Variants in TUBGCP5 observed in about 807,000 individuals in gnomAD.
TUBGCP5 encodes the protein tubulin gamma complex component 5.
Under a neutral mutation model 134.7 loss-of-function variants are expected in TUBGCP5, and 98 were observed. That is an observed-to-expected ratio of 0.73 (90% CI 0.62 to 0.86). The LOEUF (loss-of-function observed/expected upper bound fraction) is 0.86. TUBGCP5 is among the 40% of genes least tolerant of loss of function. The probability of loss-of-function intolerance (pLI) is 0.00; values close to 1 mark genes in which losing one functional copy is unlikely to be tolerated. For synonymous variants in TUBGCP5, 456 were observed against 431.4 expected, an observed-to-expected ratio of 1.06 and a Z score of -0.71; for missense variants, 1,150 against 1,244.8, an observed-to-expected ratio of 0.92 and a Z score of 1.15.
At chr15:22,997,867 T>C (rs12905135), downstream of TUBGCP5, among the ~76,000 whole-genome samples, 26,930 of 151,234 alleles carry the variant, frequency 0.18, 3,374 homozygotes, top group East Asian at 0.5. Context: ...CCACCCACCT[T>C]GGCTTCCCAA....
chr15:23,037,006 C>T lies in TUBGCP5; in HGVS notation c.201-1G>A. ...ATGAATGACAAATTTTTCATAAATT[C>T]TAAAATATAAGAAAAGATTATAAAG... On this transcript the variant is annotated splice_acceptor_variant, in intron 2 of 22. Transcript: ENST00000615383. LOFTEE classifies it high-confidence loss of function. 1 of 1,594,604 alleles carries T rather than the reference C, an allele frequency of 6.3e-7. No individual in the cohort carries two copies. The highest frequency in any genetic ancestry group is 8.5e-7 in the Non-Finnish European group (1 of 1,172,232).
chr15:23,035,911 C>T (rs1322220847), intron 3 of TUBGCP5, among the ~76,000 whole-genome samples: 1 of 152,106 alleles, frequency 6.6e-6, no homozygotes, highest in Non-Finnish European at 1.5e-5. Flanking sequence ...GAGCCCTATG[C>T]CTGTAAAATG....
At position 23,006,349 on chromosome 15, in the gene TUBGCP5, T is replaced by TA; in HGVS notation, c.2330dup (p.Ser778IlefsTer5). The TA allele has an allele frequency of 2.5e-6, 4 of 1,594,128 alleles. No individual in the cohort carries two copies. Among genetic ancestry groups the TA allele is most frequent in the Non-Finnish European group, 3.4e-6 (4 of 1,174,712 alleles). On this transcript the variant is annotated frameshift_variant, in exon 17 of 23. Coordinates refer to ENST00000615383, the MANE Select transcript of TUBGCP5 (RefSeq NM_052903.6). LOFTEE classifies it high-confidence loss of function. ...TGTCAACATTTTCAAAAGATATAGATAGACTAAAGAAAGAAATTCCAGTTT... is the reference window on the plus strand; with the variant it reads ...TGTCAACATTTTCAAAAGATATAGATAAGACTAAAGAAAGAAATTCCAGTTT...
At chr15:23,032,452 T>A (rs2066364941) in intron 4 of TUBGCP5, among the ~76,000 whole-genome samples, 1 of 152,224 alleles carries the variant, frequency 6.6e-6, no homozygotes, top group East Asian at 1.9e-4. Context: ...AATAGTTTTT[T>A]AAAAGATTGT....
chr15:23,019,688 T>C (rs1315234648), intron 11 of TUBGCP5, among the ~76,000 whole-genome samples: 1 of 151,644 alleles, frequency 6.6e-6, no homozygotes, highest in African/African-American at 2.4e-5. Flanking sequence ...TCCTGGCTAC[T>C]TGGGAGGCTG....
intron 13 of TUBGCP5, among the ~76,000 whole-genome samples, chr15:23,012,415 C>CT (rs200908244): frequency 9.3e-5 from 14 of 149,742 alleles, no homozygotes; most frequent in South Asian, 6.3e-4. Flanking sequence ...GTTGATAAAA[C>CT]TTTTTTTTTT....
At position 23,032,833 on chromosome 15, in the gene TUBGCP5, CA is replaced by C. The variant is rs751376125; in HGVS notation, c.310-10del. On this transcript the variant is annotated splice_polypyrimidine_tract_variant and intron_variant, in intron 3 of 22. Transcript: ENST00000615383. ...GAATAATGTGCATCTGTCTTTAAAA[CA>C]AAAAAAAGAACATAAATCTCTGAGG... The C allele has an allele frequency of 1.2e-4, 190 of 1,530,794 alleles. No individual in the cohort carries two copies. Among genetic ancestry groups the C allele is most frequent in the South Asian group, 3.6e-4 (28 of 78,480 alleles). The allele number at this position is 1,530,794 out of a possible 1,614,324, so 94.8% of individuals were successfully genotyped here. A position where few individuals can be genotyped will look rare whatever the true frequency, so the allele number is the denominator to read the frequency against.
intron 6 of TUBGCP5, among the ~76,000 whole-genome samples, chr15:23,028,849 T>C (rs1017364577): frequency 2.0e-5 from 3 of 152,088 alleles, no homozygotes; most frequent in African/African-American, 7.2e-5. Flanking sequence ...GCATAAGAAC[T>C]AGCAGGAAGA....
rs888391171 is a variant in TUBGCP5 at position 23,032,646 on chromosome 15, C to G, written c.406+82G>C. 5 of 927,000 alleles carry G rather than the reference C, an allele frequency of 5.4e-6. No homozygotes were observed. The Admixed American group carries it at 8.6e-5, about 16-fold the overall frequency. The allele number at this position is 927,000 out of a possible 1,614,324, so 57.4% of individuals were successfully genotyped here. ...TAGTTTCACAGATTTTTAGAAGTTT[C>G]AATAAAACTCAGTGTTTAGCAACTA... On this transcript the variant is annotated intron_variant, in intron 4 of 22. Coordinates refer to ENST00000615383, the MANE Select transcript of TUBGCP5 (RefSeq NM_052903.6).
chr15:22,991,447 C>G (rs774546854), intron 23 of TUBGCP5, among the ~76,000 whole-genome samples: 1 of 152,184 alleles, frequency 6.6e-6, no homozygotes, highest in Non-Finnish European at 1.5e-5. Context: ...GGTGGCTTTG[C>G]AGCATGTGGA....
chr15:23,026,845 A>C (rs1293637809), intron 7 of TUBGCP5, among the ~76,000 whole-genome samples: 1 of 152,116 alleles, frequency 6.6e-6, no homozygotes, highest in Non-Finnish European at 1.5e-5. Context: ...AAGGACGACA[A>C]TTGCTGGAAC....
intron 13 of TUBGCP5, among the ~76,000 whole-genome samples, chr15:23,016,466 C>A (rs1346646038): frequency 6.7e-6 from 1 of 149,884 alleles, no homozygotes; most frequent in Non-Finnish European, 1.5e-5. Context: ...TGCACTCCAG[C>A]CTGGGTGATG....
intron 4 of TUBGCP5, among the ~76,000 whole-genome samples, chr15:23,032,489 T>G (rs1273989138): frequency 6.6e-6 from 1 of 152,178 alleles, no homozygotes; most frequent in Non-Finnish European, 1.5e-5. Flanking sequence ...GTATTATTAT[T>G]TATTTATTTT....
Position 22,993,525 on chromosome 15 carries a change from G to GTTTTTTTTTTTTTTTTT in TUBGCP5, c.*61+3303_*61+3319dup, listed in dbSNP as rs71414252. On this transcript the variant is annotated intron_variant and NMD_transcript_variant, in intron 23 of 23. Coordinates refer to the TUBGCP5 transcript ENST00000614508. ...TAATCCTCCCACCTCAGCCCCCGAA[G>GTTTTTTTTTTTTTTTTT]TTTTTTTTTTTTTTTTTTTTTTTTT... Among the ~76,000 whole-genome samples, 44 of 69,270 alleles carry GTTTTTTTTTTTTTTTTT rather than the reference G, an allele frequency of 6.4e-4. 2 individuals carry two copies. The highest frequency in any genetic ancestry group is 2.0e-3 in the African/African-American group (34 of 16,738). The allele number at this position is 69,270 out of a possible 152,430, so 45.4% of individuals were successfully genotyped here. A position where few individuals can be genotyped will look rare whatever the true frequency, so the allele number is the denominator to read the frequency against.
chr15:23,011,758 G>A (rs56066611), intron 13 of TUBGCP5, among the ~76,000 whole-genome samples: 148,535 of 148,552 alleles, frequency 1, 74,259 homozygotes, highest in Middle Eastern at 1. Context: ...TGATCCACCC[G>A]CCTCAGCCTC....
Position 22,999,514 on chromosome 15 carries a change from T to A in TUBGCP5, c.*306A>T. ...CTCCTGGGCTCAAGTAATCCTCCCA[T>A]CTTTGCCTCCTGAGTAGCTGGGACT... On this transcript the variant is annotated 3_prime_UTR_variant, in exon 23 of 23. Transcript: ENST00000615383. 3.1e-6 allele frequency: 1 copy of A among 327,188 alleles called. No homozygotes were observed. The highest frequency in any genetic ancestry group is 5.8e-6 in the Non-Finnish European group (1 of 171,090). 20.3% of individuals were successfully genotyped at this position (327,188 alleles called of 1,614,324 possible). A position where few individuals can be genotyped will look rare whatever the true frequency, so the allele number is the denominator to read the frequency against.
chr15:23,024,905 T>A, intron 8 of TUBGCP5, 75 bp from the exon 9 acceptor site: 1 of 820,566 alleles, frequency 1.2e-6, no homozygotes, highest in Non-Finnish European at 1.9e-6. Context: ...CCAGGACATT[T>A]TTTTTTTTTT....
At chr15:22,991,523 G>A (rs144705993) in intron 23 of TUBGCP5, among the ~76,000 whole-genome samples, 2,499 of 152,292 alleles carry the variant, frequency 0.016, 36 homozygotes, top group African/African-American at 0.042. Flanking sequence ...TGAGGGAGGC[G>A]CTGGCGGAGG....
chr15:22,990,497 T>TA lies in TUBGCP5; in HGVS notation c.*61+6347dup, dbSNP rs561337547. Among the ~76,000 whole-genome samples, 64 of 151,956 alleles carry TA rather than the reference T, an allele frequency of 4.2e-4. 1 individual carries two copies. The East Asian group carries it at 0.011, about 26-fold the overall frequency. ...AAGGTGAGAAAGCAGAAGTAACAGG[T>TA]AGAAAAACAAATACCAGCAGAACAG... On this transcript the variant is annotated intron_variant and NMD_transcript_variant, in intron 23 of 23. Transcript: ENST00000614508.
Sources: allele counts gnomAD v4.1 joint callset (sites outside exome capture counted in the v4.1 genomes callset), GRCh38; gene constraint gnomAD v4.1.1; transcripts MANE v1.5; gene names NCBI Gene and HGNC (gene_info 2026-07-23, HGNC 2026-07-21).